NOL4L: variants seen among roughly 807,000 people sequenced by gnomAD.
The protein encoded by NOL4L is nucleolar protein 4 like.
A neutral mutation model predicts 64.5 loss-of-function variants in NOL4L; 7 were observed. The ratio of observed to expected loss-of-function variants is 0.11; its 90% CI spans 0.06 to 0.20. NOL4L has a LOEUF of 0.20. Ranked by LOEUF, NOL4L falls within the 10% of genes least tolerant of loss-of-function variation. The pLI, the probability that NOL4L is intolerant of heterozygous loss-of-function variation, is 1.00. For synonymous variants in NOL4L, 413 were observed against 401.0 expected (o/e 1.03, Z -0.36); for missense variants, 680 against 967.1 (o/e 0.70, Z 3.94).
chr20:32,489,387 C>T (rs917971357), intron 4 of NOL4L, among the ~76,000 whole-genome samples: 3 of 151,810 alleles, frequency 2.0e-5, no homozygotes, highest in African/African-American at 7.3e-5. Flanking sequence ...CAGGGTCTCA[C>T]TCTGTTACCC....
At position 32,535,274 on chromosome 20, in the gene NOL4L, GAA is replaced by G. The variant is rs34876681; in HGVS notation, c.322-7363_322-7362del. ...TACTACCTACTGGGGACTGGAAATT[GAA>G]AAAAAAAAAAAAACCCTCCAAAATA... On this transcript the variant is annotated intron_variant, in intron 1 of 10. Coordinates refer to ENST00000621426, the MANE Select transcript of NOL4L (RefSeq NM_001256798.2). Among the ~76,000 whole-genome samples the G allele has an allele frequency of 6.0e-3, 742 of 123,458 alleles. 10 individuals are homozygous for G. The highest frequency in any genetic ancestry group is 0.019 in the African/African-American group (646 of 34,644). 81.0% of individuals were successfully genotyped at this position (123,458 alleles called of 152,430 possible). A position where few individuals can be genotyped will look rare whatever the true frequency, so the allele number is the denominator to read the frequency against.
chr20:32,456,515 T>C, intron 5 of NOL4L, 120 bp from the exon 6 acceptor site: 1 of 1,019,952 alleles, frequency 9.8e-7, no homozygotes, highest in Non-Finnish European at 1.3e-6. Flanking sequence ...TGAGTGCTGC[T>C]ACCCCACCTC....
At chr20:32,496,740 C>T (rs2016703447) in intron 4 of NOL4L, among the ~76,000 whole-genome samples, 1 of 151,972 alleles carries the variant, frequency 6.6e-6, no homozygotes, top group African/African-American at 2.4e-5. Context: ...TTAGTAGAGA[C>T]AGGGTTTCAT....
intron 2 of NOL4L, among the ~76,000 whole-genome samples, chr20:32,524,911 C>T (rs756946770): frequency 1.2e-4 from 18 of 152,306 alleles, no homozygotes; most frequent in Admixed American, 4.6e-4. Flanking sequence ...AGAGGAGGCA[C>T]GTAGGGGAGG....
At chr20:32,582,811 G>A (rs964442361) in intron 1 of NOL4L, among the ~76,000 whole-genome samples, 4 of 152,192 alleles carry the variant, frequency 2.6e-5, no homozygotes, top group Admixed American at 1.3e-4. Flanking sequence ...ACCGCCCTCC[G>A]GCGGGGGGCA....
At chr20:32,543,777 GA>G (rs2018694157) in intron 1 of NOL4L, among the ~76,000 whole-genome samples, 1 of 151,908 alleles carries the variant, frequency 6.6e-6, no homozygotes, top group Non-Finnish European at 1.5e-5. Context: ...ATGACAGAGG[GA>G]GACCTTGTCT....
intron 4 of NOL4L, among the ~76,000 whole-genome samples, chr20:32,502,375 C>A (rs1485963439): frequency 6.6e-6 from 1 of 151,308 alleles, no homozygotes; most frequent in African/African-American, 2.4e-5. Context: ...GGCGGATCAC[C>A]TGAGGTCAGG....
intron 5 of NOL4L, among the ~76,000 whole-genome samples, chr20:32,469,877 A>G (rs1163005475): frequency 1.3e-5 from 2 of 152,232 alleles, no homozygotes; most frequent in Non-Finnish European, 2.9e-5. Flanking sequence ...CACAAGGCCA[A>G]CGCTGGTGTG....
intron 2 of NOL4L, among the ~76,000 whole-genome samples, chr20:32,525,336 T>C (rs2018094541): frequency 6.6e-6 from 1 of 152,124 alleles, no homozygotes; most frequent in Non-Finnish European, 1.5e-5. Flanking sequence ...CAACAGCAAG[T>C]CATAGGGCTT....
At chr20:32,482,439 C>T (rs2015790041) in intron 4 of NOL4L, among the ~76,000 whole-genome samples, 1 of 152,092 alleles carries the variant, frequency 6.6e-6, no homozygotes, top group African/African-American at 2.4e-5. Flanking sequence ...CGGGTGGGAG[C>T]AGGGTCACTT....
chr20:32,484,681 C>A (rs1014917027), intron 4 of NOL4L, among the ~76,000 whole-genome samples: 2 of 152,126 alleles, frequency 1.3e-5, no homozygotes, highest in Non-Finnish European at 2.9e-5. Context: ...ATAGGATAAT[C>A]TCGGGGACGT....
chr20:32,534,014 C>T (rs2018431412), intron 1 of NOL4L, among the ~76,000 whole-genome samples: 2 of 152,218 alleles, frequency 1.3e-5, no homozygotes, highest in Non-Finnish European at 2.9e-5. Flanking sequence ...TCTGTCATCT[C>T]CATTAGAGCT....
chr20:32,495,380 T>C (rs2016645124), intron 4 of NOL4L, among the ~76,000 whole-genome samples: 1 of 152,196 alleles, frequency 6.6e-6, no homozygotes, highest in Admixed American at 6.5e-5. Flanking sequence ...TCCTTGACTA[T>C]CTTCGGCACC....
intron 3 of NOL4L, among the ~76,000 whole-genome samples, chr20:32,517,410 C>A (rs2017717059): frequency 6.6e-6 from 1 of 152,188 alleles, no homozygotes; most frequent in Non-Finnish European, 1.5e-5. Context: ...TGGGAGACAG[C>A]AGGCTATAGC....
At chr20:32,461,624 G>A (rs1044716029) in intron 5 of NOL4L, among the ~76,000 whole-genome samples, 16 of 151,050 alleles carry the variant, frequency 1.1e-4, no homozygotes, top group Admixed American at 1.3e-4. Flanking sequence ...GGGTTTCACC[G>A]TGTTAGCCAG....
chr20:32,517,220 A>G (rs293570), intron 3 of NOL4L, among the ~76,000 whole-genome samples: 79,662 of 152,118 alleles, frequency 0.52, 25,539 homozygotes, highest in East Asian at 0.99. Context: ...TTTTTAACAT[A>G]AGGCCAGGAA....
At chr20:32,566,621 T>G (rs1030252793) in intron 1 of NOL4L, among the ~76,000 whole-genome samples, 1 of 152,166 alleles carries the variant, frequency 6.6e-6, no homozygotes, top group Non-Finnish European at 1.5e-5. Context: ...TGCTGTTCCC[T>G]CTACTTGGAA....
chr20:32,470,844 T>C (rs924480465), intron 5 of NOL4L, among the ~76,000 whole-genome samples: 1 of 152,214 alleles, frequency 6.6e-6, no homozygotes, highest in Admixed American at 6.5e-5. Flanking sequence ...CCCTCACACA[T>C]GGCCCCTGCC....
At chr20:32,563,879 C>T (rs1568715898) in intron 1 of NOL4L, among the ~76,000 whole-genome samples, 3 of 152,238 alleles carry the variant, frequency 2.0e-5, no homozygotes, top group Non-Finnish European at 4.4e-5. Context: ...GGCCCCAATT[C>T]TGGTCACTGG....
Sources: gnomAD v4.1 joint callset for allele counts (sites outside exome capture counted in the v4.1 genomes callset) on GRCh38, gnomAD v4.1.1 for gene constraint, MANE v1.5 for transcripts, NCBI Gene and HGNC (gene_info 2026-07-23, HGNC 2026-07-21) for gene names.